AARD: variants seen among roughly 807,000 people sequenced by gnomAD.
AARD encodes the protein alanine and arginine rich domain containing protein.
AARD carries 9 observed loss-of-function variants against 9.3 expected under a neutral mutation model. The observed-to-expected ratio is 0.97, with a 90% confidence interval of 0.58 to 1.69. The LOEUF (loss-of-function observed/expected upper bound fraction) is 1.69. Ranked by LOEUF, AARD falls within the 40% of genes most tolerant of loss-of-function variation. The pLI is 0.00. For synonymous variants in AARD, 91 were observed against 93.8 expected (o/e 0.97, Z 0.17); for missense variants, 236 against 210.3 (o/e 1.12, Z -0.76).
In AARD at chr8:116,938,299, G is replaced by C. The variant is rs371627416; in HGVS notation, c.56G>C (p.Gly19Ala). Residue 19 changes from glycine (G) to alanine (A), a missense_variant, in exon 1 of 2, where the codon GGA (glycine) becomes GCA (alanine). Gly to Ala is a moderately conservative substitution (Grantham distance 60). Transcript: ENST00000378279. ...CRERISQGLQ[G>A]LPGRAELWFP... is the part of the protein sequence containing the mutation. ...GAGAGAATTTCCCAGGGGCTCCAGGGACTCCCAGGTAGAGCGGAGCTTTGG... is the reference window on the plus strand; with the variant it reads ...GAGAGAATTTCCCAGGGGCTCCAGGCACTCCCAGGTAGAGCGGAGCTTTGG... The C allele has an allele frequency of 1.3e-4, 205 of 1,609,146 alleles. No homozygotes were observed. The highest frequency in any genetic ancestry group is 5.0e-4 in the Middle Eastern group (3 of 6,032).
rs549300346 is a variant in AARD at position 116,943,695 on chromosome 8, G to GGGGA, written c.*1010_*1013dup. On this transcript the variant is annotated 3_prime_UTR_variant, in exon 2 of 2. Coordinates refer to ENST00000378279, the MANE Select transcript of AARD (RefSeq NM_001025357.3). Reference sequence around the variant, plus strand: ...AAACGGAACCACTAAAAGCACAAAAGGGGAGGGAGGGAGGGAGGGTGCTTC... The same window carrying GGGGA: ...AAACGGAACCACTAAAAGCACAAAAGGGGAGGGAGGGAGGGAGGGAGGGTGCTTC... The GGGGA allele has an allele frequency of 1.5e-3, 224 of 152,074 alleles. No homozygotes were observed. In the East Asian group the frequency reaches 0.017, roughly 11 times the overall value. 9.4% of individuals were successfully genotyped at this position (152,074 alleles called of 1,614,324 possible).
At chr8:116,938,689 A>G in intron 1 of AARD, 122 bp downstream of exon 1, 4 of 1,246,518 alleles carry the variant, frequency 3.2e-6, no homozygotes, top group Non-Finnish European at 4.2e-6. Context: ...AGGTCTGGAC[A>G]CGGCGTTGAC....
At position 116,942,488 on chromosome 8, in the gene AARD, T is replaced by C. The variant is rs1039079963; in HGVS notation, c.325-70T>C. The C allele has an allele frequency of 5.4e-6, 7 of 1,307,998 alleles. No individual in the cohort carries two copies. The African/African-American group carries it at 9.0e-5, about 17-fold the overall frequency. 81.0% of individuals were successfully genotyped at this position (1,307,998 alleles called of 1,614,324 possible). ...CTACAAACTTCTTATTTCTTCTGTG[T>C]AGTCAGAGAGTGGTTTCATTTGATC... is the stretch of plus-strand genomic sequence containing the variant. On this transcript the variant is annotated intron_variant, in intron 1 of 1. Coordinates refer to ENST00000378279, the MANE Select transcript of AARD (RefSeq NM_001025357.3).
chr8:116,942,408 A>C (rs1813754363), intron 1 of AARD, 150 bp from the exon 2 acceptor site: 1 of 733,888 alleles, frequency 1.4e-6, no homozygotes. Flanking sequence ...CCAAACAGTT[A>C]AAACTGGAGA....
At chr8:116,938,712 C>T in intron 1 of AARD, 145 bp downstream of exon 1, 4 of 1,185,694 alleles carry the variant, frequency 3.4e-6, no homozygotes, top group Middle Eastern at 3.0e-4. Context: ...CCCCGCCTCC[C>T]CAGCATCGTT....
chr8:116,938,644 C>T, intron 1 of AARD, 77 bp downstream of exon 1: 3 of 1,373,294 alleles, frequency 2.2e-6, no homozygotes, highest in Non-Finnish European at 2.8e-6. Context: ...GAGCCGCTGG[C>T]CGCGTAGCCC....
chr8:116,938,754 T>TGG, intron 1 of AARD, 187 bp downstream of exon 1: 2 of 825,294 alleles, frequency 2.4e-6, no homozygotes, highest in Non-Finnish European at 3.4e-6. Flanking sequence ...GGACCCATGG[T>TGG]GGGGGGTGGG....
Position 116,943,924 on chromosome 8 carries a change from A to C in AARD, c.*1223A>C, listed in dbSNP as rs1254267942. On this transcript the variant is annotated 3_prime_UTR_variant, in exon 2 of 2. Coordinates refer to ENST00000378279, the MANE Select transcript of AARD (RefSeq NM_001025357.3). ...AAAATGGTTCTTACTGTTGAATTGGACTATCTAACTGTACCCGAAAAGTGC... is the reference window on the plus strand; with the variant it reads ...AAAATGGTTCTTACTGTTGAATTGGCCTATCTAACTGTACCCGAAAAGTGC... The C allele has an allele frequency of 6.6e-6, 1 of 152,180 alleles. No homozygotes were observed. The highest frequency in any genetic ancestry group is 1.5e-5 in the Non-Finnish European group (1 of 68,042). The allele number at this position is 152,180 out of a possible 1,614,324, so 9.4% of individuals were successfully genotyped here. A position where few individuals can be genotyped will look rare whatever the true frequency, so the allele number is the denominator to read the frequency against.
Position 116,938,410 on chromosome 8 carries a change from T to C in AARD, c.167T>C (p.Leu56Pro). Residue 56 changes from leucine (L) to proline (P), a missense_variant, in exon 1 of 2, where the codon CTG becomes CCG. Transcript: ENST00000378279. ...QEEALAASPL[L>P]EDLRRRLTRA... ...GAGGCCCTCGCCGCCAGCCCGCTGC[T>C]GGAGGACCTCAGACGACGGCTGACG... 1.2e-6 allele frequency: 2 copies of C among 1,611,898 alleles called. No individual in the cohort carries two copies. The highest frequency in any genetic ancestry group is 1.7e-6 in the Non-Finnish European group (2 of 1,179,610).
intron 1 of AARD, 114 bp from the exon 2 acceptor site, chr8:116,942,444 G>T (rs1014332173): frequency 3.1e-6 from 3 of 953,762 alleles, no homozygotes; most frequent in Admixed American, 5.8e-5. Flanking sequence ...CATCTTCCTT[G>T]ATATCTTATT....
intron 1 of AARD, among the ~76,000 whole-genome samples, chr8:116,941,102 C>T (rs1359881479): frequency 1.3e-5 from 2 of 151,972 alleles, no homozygotes; most frequent in Non-Finnish European, 2.9e-5. Flanking sequence ...GGTTGTGTGC[C>T]CAGGCAGTGC....
In AARD at chr8:116,943,855, T is replaced by C. The variant is rs1813776392; in HGVS notation, c.*1154T>C. 6.6e-6 allele frequency: 1 copy of C among 152,200 alleles called. No homozygotes were observed. Among genetic ancestry groups the C allele is most frequent in the South Asian group, 2.1e-4 (1 of 4,832 alleles). The allele number at this position is 152,200 out of a possible 1,614,324, so 9.4% of individuals were successfully genotyped here. ...ATTCAAGCTGGAGTTTCATGACTTG[T>C]ATCTAGTGTTCATAACTAATACAGT... is the stretch of plus-strand genomic sequence containing the variant. On this transcript the variant is annotated 3_prime_UTR_variant, in exon 2 of 2. Coordinates refer to ENST00000378279, the MANE Select transcript of AARD (RefSeq NM_001025357.3).
chr8:116,938,729 G>C lies in AARD; in HGVS notation c.324+162G>C. 3 of 1,090,432 alleles carry C rather than the reference G, an allele frequency of 2.8e-6. No homozygotes were observed. In the South Asian group the frequency reaches 6.1e-5, roughly 22 times the overall value. The allele number at this position is 1,090,432 out of a possible 1,614,324, so 67.5% of individuals were successfully genotyped here. A position where few individuals can be genotyped will look rare whatever the true frequency, so the allele number is the denominator to read the frequency against. On this transcript the variant is annotated intron_variant, in intron 1 of 1. Transcript: ENST00000378279. ...CCGCCTCCCCAGCATCGTTGGGAAGGAAAAGGGCCCTGCAGGACCCATGGT... is the reference window on the plus strand; with the variant it reads ...CCGCCTCCCCAGCATCGTTGGGAAGCAAAAGGGCCCTGCAGGACCCATGGT...
At position 116,938,339 on chromosome 8, in the gene AARD, C is replaced by G. The variant is rs1813696553; in HGVS notation, c.96C>G (p.Pro32=). Residue 32 remains proline, a synonymous_variant, in exon 1 of 2, where the codon CCC becomes CCG. Coordinates refer to ENST00000378279, the MANE Select transcript of AARD (RefSeq NM_001025357.3). ...GRAELWFPPR[P]ACDFFGDGRS... ...CGGAGCTTTGGTTCCCACCTCGTCC[C>G]GCGTGCGACTTCTTCGGGGACGGCA... 3 of 1,612,914 alleles carry G rather than the reference C, an allele frequency of 1.9e-6. No homozygotes were observed. The highest frequency in any genetic ancestry group is 3.3e-5 in the Admixed American group (2 of 59,986).
chr8:116,939,109 T>C (rs567081805), intron 1 of AARD, among the ~76,000 whole-genome samples: 1 of 152,350 alleles, frequency 6.6e-6, no homozygotes, highest in South Asian at 2.1e-4. Flanking sequence ...TGACTGATTT[T>C]TTTTAATTCA....
chr8:116,938,827 A>G (rs1813710888), intron 1 of AARD: 1 of 485,450 alleles, frequency 2.1e-6, no homozygotes, highest in South Asian at 4.6e-5. Flanking sequence ...CCGTTTCTAT[A>G]GTTTTCTGCC....
chr8:116,940,735 G>A (rs1027923391), intron 1 of AARD, among the ~76,000 whole-genome samples: 1 of 152,094 alleles, frequency 6.6e-6, no homozygotes, highest in Non-Finnish European at 1.5e-5. Flanking sequence ...GTTTGACTGG[G>A]TTTTCTTAGT....
chr8:116,942,400 A>G (rs1813754296), intron 1 of AARD, among the ~76,000 whole-genome samples, 158 bp from the exon 2 acceptor site: 1 of 152,226 alleles, frequency 6.6e-6, no homozygotes, highest in Non-Finnish European at 1.5e-5. Flanking sequence ...TAGCCAGACC[A>G]AACAGTTAAA....
At chr8:116,939,095 T>C (rs1430121076) in intron 1 of AARD, among the ~76,000 whole-genome samples, 2 of 152,194 alleles carry the variant, frequency 1.3e-5, no homozygotes, top group African/African-American at 4.8e-5. Context: ...GTAAATATTT[T>C]AGCTGACTGA....
Sources: gnomAD v4.1 joint callset for allele counts (sites outside exome capture counted in the v4.1 genomes callset) on GRCh38, gnomAD v4.1.1 for gene constraint, MANE v1.5 for transcripts, NCBI Gene and HGNC (gene_info 2026-07-23, HGNC 2026-07-21) for gene names.